The following OCA2 variants were observed in gnomAD, a reference collection of about 807,000 sequenced individuals.
OCA2 encodes the protein OCA2 melanosomal transmembrane protein, also known as P protein.
OCA2 carries 77 observed loss-of-function variants against 100.2 expected under a neutral mutation model. The ratio of observed to expected loss-of-function variants is 0.77; its 90% CI spans 0.64 to 0.93. The LOEUF (loss-of-function observed/expected upper bound fraction) is 0.93, where lower values mean the gene tolerates loss of function less well. OCA2 is among the 40% of genes least tolerant of loss of function. The probability of loss-of-function intolerance (pLI) is 0.00; values close to 1 mark genes in which losing one functional copy is unlikely to be tolerated. For synonymous variants in OCA2, 432 were observed against 439.2 expected, an observed-to-expected ratio of 0.98 and a Z score of 0.21; for missense variants, 1,062 against 1,089.1, an observed-to-expected ratio of 0.98 and a Z score of 0.35.
rs2039234552 is a variant in OCA2 at position 27,931,167 on chromosome 15, AAAAAC to A, written c.1952-4918_1952-4914del. On this transcript the variant is annotated intron_variant, in intron 18 of 23. Transcript: ENST00000354638. ...GGAGAAACAGAATACTATTCAGTTT[AAAAAC>A]AAAACAAAACAAAAAAAGTACTAAG... is the stretch of plus-strand genomic sequence containing the variant. Among the ~76,000 whole-genome samples, 3 of 152,250 alleles carry A rather than the reference AAAAAC, an allele frequency of 2.0e-5. No individual in the cohort carries two copies. In the South Asian group the frequency reaches 6.2e-4, roughly 32 times the overall value.
intron 14 of OCA2, among the ~76,000 whole-genome samples, chr15:27,976,443 T>A (rs1285228789): frequency 6.6e-6 from 1 of 152,200 alleles, no homozygotes; most frequent in Non-Finnish European, 1.5e-5. Context: ...ATCCTTAGTT[T>A]CTTGAGAGAT....
chr15:27,998,942 C>T (rs1244098183), intron 9 of OCA2, among the ~76,000 whole-genome samples: 55 of 149,776 alleles, frequency 3.7e-4, no homozygotes, highest in African/African-American at 1.0e-3. Context: ...AGTAAACTAT[C>T]GCAAGGACAA....
intron 23 of OCA2, among the ~76,000 whole-genome samples, chr15:27,819,025 C>T (rs1019747913): frequency 1.3e-5 from 2 of 152,202 alleles, no homozygotes; most frequent in African/African-American, 4.8e-5. Context: ...ATCCATGACA[C>T]TTTGCCACTT....
the OCA2 span, among the ~76,000 whole-genome samples, chr15:27,736,056 T>G: frequency 7.6e-4 from 116 of 152,328 alleles, no homozygotes; most frequent in African/African-American, 2.7e-3. Context: ...CAATCCACAA[T>G]GTACATATAG....
At chr15:27,891,409 A>G (rs2037456202) in intron 19 of OCA2, among the ~76,000 whole-genome samples, 1 of 152,242 alleles carries the variant, frequency 6.6e-6, no homozygotes, top group African/African-American at 2.4e-5. Flanking sequence ...AAACAGAGGA[A>G]ATAAAGAGAA....
chr15:27,853,888 G>T (rs1324169495), intron 21 of OCA2, among the ~76,000 whole-genome samples: 1 of 152,218 alleles, frequency 6.6e-6, no homozygotes, highest in Non-Finnish European at 1.5e-5. Context: ...CCAGTGTGGA[G>T]ATGTGAATGA....
At chr15:27,869,883 G>A (rs566450312) in intron 21 of OCA2, among the ~76,000 whole-genome samples, 2 of 152,338 alleles carry the variant, frequency 1.3e-5, no homozygotes, top group South Asian at 4.1e-4. Flanking sequence ...GGTGGAGCCA[G>A]CTGGGCCACA....
At chr15:28,095,422 T>A (rs751251646) in intron 1 of OCA2, among the ~76,000 whole-genome samples, 3 of 152,106 alleles carry the variant, frequency 2.0e-5, no homozygotes, top group Non-Finnish European at 2.9e-5. Context: ...TTCGTAAATC[T>A]TAAGAACATT....
At chr15:27,935,967 ACTCAT>A (rs1447249392) in intron 18 of OCA2, among the ~76,000 whole-genome samples, 2 of 151,872 alleles carry the variant, frequency 1.3e-5, no homozygotes, top group Non-Finnish European at 2.9e-5. Flanking sequence ...CTCAACAGTT[ACTCAT>A]CTCATATTCA....
intron 15 of OCA2, among the ~76,000 whole-genome samples, chr15:27,959,018 G>A (rs1183547381): frequency 2.0e-5 from 3 of 152,158 alleles, no homozygotes; most frequent in Non-Finnish European, 2.9e-5. Context: ...CACCCACTGC[G>A]TGGCAGACCT....
intron 22 of OCA2, among the ~76,000 whole-genome samples, chr15:27,848,727 C>G (rs2035627147): frequency 6.6e-6 from 1 of 152,270 alleles, no homozygotes; most frequent in Non-Finnish European, 1.5e-5. Flanking sequence ...ATAGGCCACA[C>G]TCTCAGAACA....
chr15:27,746,909 T>A, the OCA2 span, among the ~76,000 whole-genome samples: 2 of 152,186 alleles, frequency 1.3e-5, no homozygotes, highest in Non-Finnish European at 2.9e-5. Context: ...CCCTCACTCA[T>A]CCTGCTCATG....
chr15:27,989,738 G>T, intron 10 of OCA2, 72 bp from the exon 11 acceptor site: 1 of 1,362,514 alleles, frequency 7.3e-7, no homozygotes, highest in Non-Finnish European at 1.0e-6. Context: ...ATGAAGCGCT[G>T]CCCCCTGCTG....
In OCA2 at chr15:27,945,957, G is replaced by C. The variant is rs541477141; in HGVS notation, c.1951+5827C>G. On this transcript the variant is annotated intron_variant, in intron 18 of 23. Coordinates refer to ENST00000354638, the MANE Select transcript of OCA2 (RefSeq NM_000275.3). Reference sequence around the variant, plus strand: ...ATCTTGAAACCCTAATTTCAGAAAAGCAAACTTTTTCTATATATTTTGATG... The same window carrying C: ...ATCTTGAAACCCTAATTTCAGAAAACCAAACTTTTTCTATATATTTTGATG... Among the ~76,000 whole-genome samples, 3 of 152,072 alleles carry C rather than the reference G, an allele frequency of 2.0e-5. No individual in the cohort carries two copies. The South Asian group carries it at 6.2e-4, about 32-fold the overall frequency.
At chr15:27,865,466 C>T (rs1468356592) in intron 21 of OCA2, among the ~76,000 whole-genome samples, 2 of 152,204 alleles carry the variant, frequency 1.3e-5, no homozygotes, top group African/African-American at 2.4e-5. Context: ...GCTGACTGGG[C>T]GGCGAGAGCC....
chr15:27,811,995 A>G (rs947553549), intron 23 of OCA2, among the ~76,000 whole-genome samples: 2 of 152,194 alleles, frequency 1.3e-5, no homozygotes, highest in African/African-American at 2.4e-5. Flanking sequence ...TTTATTTCAA[A>G]CCACTTTTTA....
At chr15:27,868,449 T>C (rs577979165) in intron 21 of OCA2, among the ~76,000 whole-genome samples, 1 of 152,226 alleles carries the variant, frequency 6.6e-6, no homozygotes, top group Non-Finnish European at 1.5e-5. Context: ...CATTATGCTA[T>C]GTGAGATAAG....
intron 22 of OCA2, among the ~76,000 whole-genome samples, chr15:27,849,540 T>TTA (rs112353258): frequency 6.7e-6 from 1 of 148,766 alleles, no homozygotes; most frequent in Non-Finnish European, 1.5e-5. Context: ...TCAGACCAGT[T>TTA]AAAAAAAAAA....
At chr15:27,732,897 T>C in the OCA2 span, among the ~76,000 whole-genome samples, 1 of 152,234 alleles carries the variant, frequency 6.6e-6, no homozygotes, top group Non-Finnish European at 1.5e-5. Flanking sequence ...AAGAACTCAA[T>C]TTGATTGCCA....
Sources: gnomAD v4.1 joint callset for allele counts (sites outside exome capture counted in the v4.1 genomes callset) on GRCh38, gnomAD v4.1.1 for gene constraint, MANE v1.5 for transcripts, NCBI Gene and HGNC (gene_info 2026-07-23, HGNC 2026-07-21) for gene names.